The following TSC22D1 variants were observed in gnomAD, a reference collection of about 807,000 sequenced individuals.
The protein encoded by TSC22D1 is TSC22 domain family protein 1.
A neutral mutation model predicts 74.2 loss-of-function variants in TSC22D1; 9 were observed. The ratio of observed to expected loss-of-function variants is 0.12; its 90% confidence interval spans 0.07 to 0.21. TSC22D1 has a LOEUF of 0.21. Among genes scored for constraint, TSC22D1 ranks in the 10% least tolerant of loss-of-function variants. The probability of loss-of-function intolerance (pLI) is 1.00; values close to 1 mark genes in which losing one functional copy is unlikely to be tolerated. For missense variants in TSC22D1, 1,427 were observed against 1,304.7 expected (o/e 1.09, Z -1.44); for synonymous variants, 586 against 492.5 (o/e 1.19, Z -2.51).
At chr13:44,518,085 C>T (rs1026770352) in intron 1 of TSC22D1, among the ~76,000 whole-genome samples, 24 of 148,860 alleles carry the variant, frequency 1.6e-4, no homozygotes, top group African/African-American at 5.4e-4. Flanking sequence ...AACTCCTGGA[C>T]TCAAGTGATC....
At chr13:44,538,461 C>G (rs1566160920) in intron 1 of TSC22D1, 1 of 985,352 alleles carries the variant, frequency 1.0e-6, no homozygotes, top group East Asian at 1.1e-4. Context: ...ACTTCCTCTA[C>G]TACTTAAAAA....
intron 1 of TSC22D1, among the ~76,000 whole-genome samples, chr13:44,491,918 A>G (rs1270300451): frequency 6.6e-6 from 1 of 152,210 alleles, no homozygotes; most frequent in Non-Finnish European, 1.5e-5. Context: ...TCCGTGATTC[A>G]GTTATTTCAT....
chr13:44,547,915 A>C (rs1057285432), intron 1 of TSC22D1, among the ~76,000 whole-genome samples: 1 of 152,164 alleles, frequency 6.6e-6, no homozygotes, highest in African/African-American at 2.4e-5. Flanking sequence ...TCAGCTACCC[A>C]AGTAGCTGGA....
chr13:44,519,805 G>A (rs915140034), intron 1 of TSC22D1, among the ~76,000 whole-genome samples: 15 of 152,112 alleles, frequency 9.9e-5, no homozygotes, highest in Non-Finnish European at 1.8e-4. Context: ...ATTGAGACAA[G>A]GTAATGACAA....
intron 1 of TSC22D1, among the ~76,000 whole-genome samples, chr13:44,500,830 G>A (rs1879192185): frequency 6.6e-6 from 1 of 152,088 alleles, no homozygotes; most frequent in East Asian, 1.9e-4. Flanking sequence ...GACTACAGAT[G>A]CACACCACCA....
intron 1 of TSC22D1, among the ~76,000 whole-genome samples, chr13:44,519,812 A>G (rs1880222362): frequency 1.3e-5 from 2 of 152,168 alleles, no homozygotes; most frequent in African/African-American, 4.8e-5. Context: ...CAAGGTAATG[A>G]CAACAGGATA....
intron 1 of TSC22D1, chr13:44,537,298 C>A: frequency 1.0e-6 from 1 of 976,158 alleles, no homozygotes; most frequent in Non-Finnish European, 1.2e-6. Flanking sequence ...ATAAACAAAT[C>A]AGTTCACAAT....
chr13:44,450,498 G>T (rs1196504333), intron 1 of TSC22D1, among the ~76,000 whole-genome samples: 2 of 152,152 alleles, frequency 1.3e-5, no homozygotes, highest in Non-Finnish European at 2.9e-5. Context: ...GGAACTGGGG[G>T]TAAAAGGAAG....
chr13:44,511,098 C>A (rs771860161), intron 1 of TSC22D1, among the ~76,000 whole-genome samples: 1 of 152,018 alleles, frequency 6.6e-6, no homozygotes, highest in South Asian at 2.1e-4. Flanking sequence ...CTGGGCAACA[C>A]GGCAAAACCC....
intron 1 of TSC22D1, among the ~76,000 whole-genome samples, chr13:44,464,197 A>G (rs1396898956): frequency 6.6e-6 from 1 of 152,256 alleles, no homozygotes; most frequent in Admixed American, 6.5e-5. Context: ...ATAAAAGGAC[A>G]TGTAAAAATA....
chr13:44,482,307 A>AG, intron 1 of TSC22D1, among the ~76,000 whole-genome samples: 1 of 152,204 alleles, frequency 6.6e-6, no homozygotes, highest in African/African-American at 2.4e-5. Flanking sequence ...GGCTGAGGCA[A>AG]GTGGATCACC....
At chr13:44,491,677 A>G (rs1410402614) in intron 1 of TSC22D1, among the ~76,000 whole-genome samples, 2 of 152,256 alleles carry the variant, frequency 1.3e-5, no homozygotes, top group Non-Finnish European at 2.9e-5. Flanking sequence ...GGAAAAGGAA[A>G]TATGAACAGT....
At position 44,574,976 on chromosome 13, in the gene TSC22D1, T is replaced by A. The variant is rs761224810; in HGVS notation, c.1099A>T (p.Met367Leu). The A allele has an allele frequency of 3.7e-6, 6 of 1,614,120 alleles. 1 individual carries two copies. In the South Asian group the frequency reaches 6.6e-5, roughly 18 times the overall value. Residue 367 changes from methionine to leucine, a missense_variant, in exon 1 of 3, where the codon ATG (methionine) becomes TTG (leucine). Met to Leu is a conservative substitution (Grantham distance 15, BLOSUM62 2). Around this residue, in one of 3 missense-constraint regions of TSC22D1, gnomAD observed 1,343 missense variants for 1,191.5 expected, o/e 1.13. Coordinates refer to ENST00000458659, the MANE Select transcript of TSC22D1 (RefSeq NM_183422.4). ...SGVNVNILSG[M>L]GNGTISSSAA... ...GAGGAAGAAATAGTACCATTGCCCA[T>A]GCCACTCAAGATATTCACATTAACA...
At chr13:44,456,140 G>A (rs1022472229) in intron 1 of TSC22D1, among the ~76,000 whole-genome samples, 4 of 152,198 alleles carry the variant, frequency 2.6e-5, no homozygotes, top group Non-Finnish European at 4.4e-5. Flanking sequence ...CCCTCGCAGT[G>A]AGTGTTACAG....
chr13:44,472,560 A>G lies in TSC22D1; in HGVS notation c.2913-36465T>C, dbSNP rs1181609853. On this transcript the variant is annotated intron_variant, in intron 1 of 2. Transcript: ENST00000458659. Reference sequence around the variant, plus strand: ...ATGAAAAAGCATAGTCCTCGCCTGTAACCCCAATATTGTGGGAGGCTGAGG... The same window carrying G: ...ATGAAAAAGCATAGTCCTCGCCTGTGACCCCAATATTGTGGGAGGCTGAGG... Among the ~76,000 whole-genome samples, 4 of 152,302 alleles carry G rather than the reference A, an allele frequency of 2.6e-5. No homozygotes were observed. The East Asian group carries it at 7.7e-4, about 29-fold the overall frequency.
intron 1 of TSC22D1, among the ~76,000 whole-genome samples, chr13:44,510,826 C>T (rs924862344): frequency 6.6e-6 from 1 of 152,138 alleles, no homozygotes; most frequent in Non-Finnish European, 1.5e-5. Flanking sequence ...AAACTCCTGA[C>T]CTCAGGTGAT....
intron 1 of TSC22D1, among the ~76,000 whole-genome samples, chr13:44,564,232 C>A (rs1883223659): frequency 6.6e-6 from 1 of 152,112 alleles, no homozygotes; most frequent in African/African-American, 2.4e-5. Flanking sequence ...CTTGATTAAG[C>A]AGATTTTATC....
At position 44,497,119 on chromosome 13, in the gene TSC22D1, G is replaced by A. The variant is rs567430122; in HGVS notation, c.2913-61024C>T. 2.6e-5 allele frequency among the ~76,000 whole-genome samples: 4 copies of A among 152,236 alleles called. No homozygotes were observed. The South Asian group carries it at 8.3e-4, about 32-fold the overall frequency. On this transcript the variant is annotated intron_variant, in intron 1 of 2. Transcript: ENST00000458659. ...ACTACCTGTTCTAATGTTCACAGGAGCTTTCACAATAGCCAAAAGGTGAAA... is the reference window on the plus strand; with the variant it reads ...ACTACCTGTTCTAATGTTCACAGGAACTTTCACAATAGCCAAAAGGTGAAA...
intron 1 of TSC22D1, among the ~76,000 whole-genome samples, chr13:44,482,509 A>G (rs566913051): frequency 1.3e-5 from 2 of 152,308 alleles, no homozygotes; most frequent in Admixed American, 6.5e-5. Flanking sequence ...ACTGCACTCC[A>G]GCCTGGGCAA....
Sources: gnomAD v4.1 joint callset for allele counts (sites outside exome capture counted in the v4.1 genomes callset) on GRCh38, gnomAD v4.1.1 for gene constraint, gnomAD v4.1.1 regional missense constraint, MANE v1.5 for transcripts, NCBI Gene and HGNC (gene_info 2026-07-23, HGNC 2026-07-21) for gene names.